Variants in SLC9A9 observed in about 807,000 individuals in gnomAD.
SLC9A9 encodes solute carrier family 9 member A9.
In SLC9A9, 62 loss-of-function variants were observed where a neutral mutation model predicts 77.8. The observed-to-expected ratio is 0.80, with a 90% CI of 0.65 to 0.98. The LOEUF (loss-of-function observed/expected upper bound fraction) is 0.98, where lower values mean the gene tolerates loss of function less well. Among genes scored for constraint, SLC9A9 ranks in the 50% least tolerant of loss-of-function variants. The probability of loss-of-function intolerance (pLI) is 0.00; values close to 1 mark genes in which losing one functional copy is unlikely to be tolerated. For missense variants in SLC9A9, 775 were observed against 774.9 expected (o/e 1.00, Z 0.00); for synonymous variants, 320 against 283.5 (o/e 1.13, Z -1.29).
At chr3:143,793,955 G>T (rs936536143) in intron 4 of SLC9A9, among the ~76,000 whole-genome samples, 1 of 152,296 alleles carries the variant, frequency 6.6e-6, no homozygotes, top group Admixed American at 6.5e-5. Context: ...CTATAGGCTT[G>T]CAAACCTCCC....
chr3:143,768,137 C>T (rs2007391252), intron 4 of SLC9A9, among the ~76,000 whole-genome samples: 1 of 152,138 alleles, frequency 6.6e-6, no homozygotes, highest in African/African-American at 2.4e-5. Context: ...TCACACAGGG[C>T]TCACTGACTG....
At chr3:143,841,757 T>TTCTTTTTTTTTCTTTTC (rs2108898016) in intron 1 of SLC9A9, among the ~76,000 whole-genome samples, 1 of 20,536 alleles carries the variant, frequency 4.9e-5, no homozygotes, top group Non-Finnish European at 1.9e-4. Context: ...AGAGGCTCTT[T>TTCTTTTTTTTTCTTTTC]TCTTTATTTT....
intron 12 of SLC9A9, among the ~76,000 whole-genome samples, chr3:143,435,578 A>T (rs2034607566): frequency 6.6e-6 from 1 of 152,230 alleles, no homozygotes; most frequent in Admixed American, 6.5e-5. Context: ...AGCAAGGAAA[A>T]ATGTCTTCAC....
At chr3:143,461,779 C>G (rs895092099) in intron 12 of SLC9A9, among the ~76,000 whole-genome samples, 1 of 152,112 alleles carries the variant, frequency 6.6e-6, no homozygotes, top group African/African-American at 2.4e-5. Context: ...GAAAACCAAA[C>G]AGAACACAAT....
At chr3:143,777,394 T>G (rs886561672) in intron 4 of SLC9A9, among the ~76,000 whole-genome samples, 1 of 152,188 alleles carries the variant, frequency 6.6e-6, no homozygotes, top group Non-Finnish European at 1.5e-5. Flanking sequence ...AAAAACTCCC[T>G]TCTAGAGAAA....
chr3:143,512,268 C>T (rs575102673), intron 9 of SLC9A9, among the ~76,000 whole-genome samples: 1 of 152,264 alleles, frequency 6.6e-6, no homozygotes, highest in East Asian at 1.9e-4. Flanking sequence ...GGATCTAAAA[C>T]GTTGAACTGA....
rs867260334 is a variant in SLC9A9, at chr3:143,645,931, T to C, written c.755+6324A>G. Among the ~76,000 whole-genome samples the C allele has an allele frequency of 2.0e-5, 3 of 152,240 alleles. No homozygotes were observed. In the Middle Eastern group the frequency reaches 0.01, roughly 518 times the overall value. ...AGAAAACCTGGAGGCATTTGCACAC[T>C]GTGGAATTATTTTATGAGTAGGTTT... On this transcript the variant is annotated intron_variant, in intron 6 of 15. Transcript: ENST00000316549.
At chr3:143,825,890 A>G (rs911204659) in intron 2 of SLC9A9, among the ~76,000 whole-genome samples, 2 of 118,048 alleles carry the variant, frequency 1.7e-5, no homozygotes, top group Non-Finnish European at 3.9e-5. Context: ...TGAGTATTAT[A>G]AACACCTAAC....
At chr3:143,641,820 C>T (rs1331107098) in intron 6 of SLC9A9, among the ~76,000 whole-genome samples, 3 of 152,194 alleles carry the variant, frequency 2.0e-5, no homozygotes, top group Non-Finnish European at 2.9e-5. Flanking sequence ...TTTCTCTATA[C>T]ACATTATTTC....
intron 12 of SLC9A9, among the ~76,000 whole-genome samples, chr3:143,391,612 ACG>A (rs2033568200): frequency 6.6e-6 from 1 of 152,238 alleles, no homozygotes; most frequent in Admixed American, 6.5e-5. Flanking sequence ...AATGACTTTG[ACG>A]AGTTGAGAGA....
At chr3:143,442,937 T>G (rs1428865109) in intron 12 of SLC9A9, among the ~76,000 whole-genome samples, 1 of 152,316 alleles carries the variant, frequency 6.6e-6, no homozygotes, top group Non-Finnish European at 1.5e-5. Flanking sequence ...ATTTTCCTAC[T>G]AAGTTGGAAG....
At chr3:143,342,200 T>C (rs1429869862) in intron 14 of SLC9A9, 1 of 152,294 alleles carries the variant, frequency 6.6e-6, no homozygotes, top group South Asian at 2.1e-4. Flanking sequence ...TTATTTTTTT[T>C]TGAGACAGTG....
At chr3:143,802,814 C>T in intron 2 of SLC9A9, among the ~76,000 whole-genome samples, 1 of 152,228 alleles carries the variant, frequency 6.6e-6, no homozygotes. Context: ...TACCTCTTGC[C>T]CTTCTCAGAA....
intron 1 of SLC9A9, among the ~76,000 whole-genome samples, chr3:143,845,577 A>G (rs1481538037): frequency 1.3e-5 from 2 of 152,238 alleles, no homozygotes; most frequent in Non-Finnish European, 2.9e-5. Context: ...GAGTGAAAGC[A>G]CATGGACCAG....
At chr3:143,449,797 ATTT>A (rs1201366509) in intron 12 of SLC9A9, among the ~76,000 whole-genome samples, 5 of 77,462 alleles carry the variant, frequency 6.5e-5, no homozygotes, top group Admixed American at 2.3e-4. Flanking sequence ...AATTATATAT[ATTT>A]TATATATATA....
At chr3:143,351,405 C>T (rs778843218) in intron 14 of SLC9A9, among the ~76,000 whole-genome samples, 1 of 152,180 alleles carries the variant, frequency 6.6e-6, no homozygotes, top group African/African-American at 2.4e-5. Flanking sequence ...AAGATAGGTA[C>T]GTTCATCAGG....
intron 14 of SLC9A9, among the ~76,000 whole-genome samples, chr3:143,286,151 C>T (rs1014070047): frequency 2.6e-5 from 4 of 152,128 alleles, no homozygotes; most frequent in Non-Finnish European, 5.9e-5. Context: ...ATTCCATATG[C>T]CATCTGCTGA....
At chr3:143,797,189 T>TAAAATATATATGTATATAAAACATATATA (rs71304253) in intron 2 of SLC9A9, among the ~76,000 whole-genome samples, 1 of 147,780 alleles carries the variant, frequency 6.8e-6, no homozygotes, top group Admixed American at 6.8e-5. Flanking sequence ...TATATATATA[T>TAAAATATATATGTATATAAAACATATATA]AAAATATATA....
At chr3:143,468,262 G>T (rs1281916048) in intron 11 of SLC9A9, among the ~76,000 whole-genome samples, 1 of 152,184 alleles carries the variant, frequency 6.6e-6, no homozygotes, top group Non-Finnish European at 1.5e-5. Context: ...TTCCAGAGTG[G>T]CTGTAACATT....
Sources: allele counts gnomAD v4.1 joint callset (sites outside exome capture counted in the v4.1 genomes callset), GRCh38; gene constraint gnomAD v4.1.1; transcripts MANE v1.5; gene names NCBI Gene and HGNC (gene_info 2026-07-23, HGNC 2026-07-21).